USP36: variants seen among roughly 807,000 people sequenced by gnomAD.
USP36 encodes ubiquitin carboxyl-terminal hydrolase 36.
A neutral mutation model predicts 111.5 loss-of-function variants in USP36; 59 were observed. That is an observed-to-expected ratio of 0.53 (90% CI 0.43 to 0.66). The LOEUF is 0.66. USP36 is among the 30% of genes least tolerant of loss of function. The probability of loss-of-function intolerance (pLI) is 0.00; values close to 1 mark genes in which losing one functional copy is unlikely to be tolerated. For missense variants in USP36, 1,488 were observed against 1,468.0 expected (o/e 1.01, Z -0.22); for synonymous variants, 628 against 581.0 (o/e 1.08, Z -1.16).
chr17:78,829,860 C>T (rs918994395), intron 4 of USP36, among the ~76,000 whole-genome samples: 3 of 152,178 alleles, frequency 2.0e-5, no homozygotes, highest in Admixed American at 1.3e-4. Context: ...CCTGCCTCAG[C>T]CTCCCAAGTG....
chr17:78,789,746 C>G (rs1440388195), intron 3 of USP36, among the ~76,000 whole-genome samples: 1 of 152,218 alleles, frequency 6.6e-6, no homozygotes, highest in African/African-American at 2.4e-5. Flanking sequence ...TGGCCACGTG[C>G]CACGGTTTGG....
rs2093931595 is a variant in USP36 at position 78,807,260 on chromosome 17, C to G, written c.1784G>C (p.Gly595Ala). ...LLATATANGH[G>A]LKGNDESAGL... The stretch of plus-strand genomic sequence containing the variant: ...AGCGCTCTCGTCGTTCCCCTTCAGC[C>G]CATGCCCGTTGGCAGTGGCTGTAGC... Residue 595 changes from glycine (G) to alanine (A), a missense_variant, in exon 14 of 21, where the codon GGG becomes GCG. This residue lies in a region of USP36 where 1,073 missense variants were observed against 994.1 expected (regional missense o/e 1.08). Coordinates refer to ENST00000449938, the MANE Select transcript of USP36 (RefSeq NM_001385174.1). The G allele has an allele frequency of 1.2e-6, 2 of 1,614,132 alleles. No homozygotes were observed. The highest frequency in any genetic ancestry group is 1.7e-6 in the Non-Finnish European group (2 of 1,180,012).
chr17:78,827,188 G>A, intron 6 of USP36, 57 bp downstream of exon 6: 1 of 1,260,868 alleles, frequency 7.9e-7, no homozygotes, highest in Non-Finnish European at 1.0e-6. Flanking sequence ...ATGTTCTGCT[G>A]CCACCATGTA....
At chr17:78,810,858 T>TA (rs1452024154) in intron 13 of USP36, among the ~76,000 whole-genome samples, 1 of 152,030 alleles carries the variant, frequency 6.6e-6, no homozygotes, top group Non-Finnish European at 1.5e-5. Flanking sequence ...CTCATGCCTG[T>TA]ATCCCAGGAC....
In USP36 at chr17:78,815,848, CAT is replaced by C. The variant is rs770215038; in HGVS notation, c.1024-1298_1024-1297del. Among the ~76,000 whole-genome samples, 201 of 135,490 alleles carry C rather than the reference CAT, an allele frequency of 1.5e-3. 6 individuals carry two copies. Among genetic ancestry groups the C allele is most frequent in the Non-Finnish European group, 1.1e-3 (77 of 67,838 alleles). 88.9% of individuals were successfully genotyped at this position (135,490 alleles called of 152,430 possible). On this transcript the variant is annotated intron_variant, in intron 10 of 20. Transcript: ENST00000449938. Reference sequence around the variant, plus strand: ...GCACACATATATACATACACACACACATATGCATGCATACACATGTACGCATA... The same window carrying C: ...GCACACATATATACATACACACACACATGCATGCATACACATGTACGCATA...
rs1453107873 is a variant in USP36, at chr17:78,798,213, C to CAA, written c.*20+186_*20+187insTT. ...CTTATACACACGCATCCCACACACACCCTTCTCCAAGTGACTAGGACACAC... is the reference window on the plus strand; with the variant it reads ...CTTATACACACGCATCCCACACACACAACCTTCTCCAAGTGACTAGGACACAC... On this transcript the variant is annotated intron_variant, in intron 20 of 20. Transcript: ENST00000449938. This position sits in a 1 kb window ranked among gnomAD's most constrained non-coding sequence, Gnocchi z 5.1. 2.9e-6 allele frequency: 2 copies of CAA among 700,218 alleles called. No individual in the cohort carries two copies. Among genetic ancestry groups the CAA allele is most frequent in the African/African-American group, 3.6e-5 (2 of 55,272 alleles). 43.4% of individuals were successfully genotyped at this position (700,218 alleles called of 1,614,324 possible).
rs2093695694 is a variant in USP36 at position 78,799,822 on chromosome 17, G to A, written c.3023-54C>T. ...ACAGACGTTTAAAATAACCCACTGG[G>A]GAAGCAATCGCACACCTTAAATTAT... On this transcript the variant is annotated intron_variant, in intron 17 of 20. Coordinates refer to ENST00000449938, the MANE Select transcript of USP36 (RefSeq NM_001385174.1). 13 of 1,337,096 alleles carry A rather than the reference G, an allele frequency of 9.7e-6. 1 individual carries two copies. The South Asian group carries it at 1.6e-4, about 17-fold the overall frequency. The allele number at this position is 1,337,096 out of a possible 1,614,324, so 82.8% of individuals were successfully genotyped here.
In USP36 at chr17:78,802,359, G is replaced by A. The variant is rs1442683597; in HGVS notation, c.2987C>T (p.Pro996Leu). The change falls in exon 17 of 21, where the codon CCA becomes CTA. Residue 996 changes from proline to leucine, a missense_variant. Pro to Leu is a moderately conservative substitution (Grantham distance 98). This residue lies in a region of USP36 where 1,073 missense variants were observed against 994.1 expected (regional missense o/e 1.08). Coordinates refer to ENST00000449938, the MANE Select transcript of USP36 (RefSeq NM_001385174.1). ...AVVPESSSCA[P>L]SANGWCPGDR... The stretch of plus-strand genomic sequence containing the variant: ...CCCAGGACACCAGCCATTCGCGGAT[G>A]GTGCGCAGCTGCTGGACTCGGGGAC... 1.3e-6 allele frequency: 2 copies of A among 1,599,984 alleles called. No homozygotes were observed. The highest frequency in any genetic ancestry group is 2.2e-5 in the East Asian group (1 of 44,492).
chr17:78,820,124 G>A (rs2094283942), intron 8 of USP36, 112 bp from the exon 9 acceptor site: 1 of 1,114,824 alleles, frequency 9.0e-7, no homozygotes, highest in Non-Finnish European at 1.3e-6. Flanking sequence ...ACAGAACTTA[G>A]ACTCGCATAA....
In USP36 at chr17:78,796,654, G is replaced by C. The variant is rs2093633182; in HGVS notation, c.*1246C>G. The C allele has an allele frequency of 1.3e-5, 2 of 152,350 alleles. No individual in the cohort carries two copies. Among genetic ancestry groups the C allele is most frequent in the South Asian group, 4.1e-4 (2 of 4,828 alleles). The allele number at this position is 152,350 out of a possible 1,614,324, so 9.4% of individuals were successfully genotyped here. On this transcript the variant is annotated 3_prime_UTR_variant, in exon 21 of 21. Transcript: ENST00000449938. ...AGGGGCAGGAAGCAAAGCTGCCCCAGGGAGAGGGGGTGCAGACAGCGAGGC... is the reference window on the plus strand; with the variant it reads ...AGGGGCAGGAAGCAAAGCTGCCCCACGGAGAGGGGGTGCAGACAGCGAGGC...
chr17:78,804,046 T>C (rs931293593), intron 15 of USP36, 68 bp from the exon 16 acceptor site: 40 of 1,181,492 alleles, frequency 3.4e-5, no homozygotes, highest in Admixed American at 4.7e-5. Flanking sequence ...TCCTTCTGTC[T>C]ACCCTCACTC....
Position 78,807,599 on chromosome 17 carries a change from G to T in USP36, c.1445C>A (p.Thr482Asn). The T allele has an allele frequency of 6.4e-7, 1 of 1,554,758 alleles. No individual in the cohort carries two copies. The highest frequency in any genetic ancestry group is 8.7e-7 in the Non-Finnish European group (1 of 1,151,224). ...DSGTMKKPHT[T>N]EEIGVPISRN... The stretch of plus-strand genomic sequence containing the variant: ...GGATATGGGCACACCAATCTCTTCA[G>T]TGGTGTGCGGCTTCTTCATCGTCCC... Residue 482 changes from threonine (T) to asparagine (N), a missense_variant, in exon 14 of 21, where the codon ACT becomes AAT. Thr to Asn is a moderately conservative substitution (Grantham distance 65). This residue lies in a region of USP36 where 1,073 missense variants were observed against 994.1 expected (regional missense o/e 1.08). Coordinates refer to ENST00000449938, the MANE Select transcript of USP36 (RefSeq NM_001385174.1).
Position 78,811,695 on chromosome 17 carries a change from C to T in USP36, c.1407+1165G>A, listed in dbSNP as rs151123050. 5.2e-3 allele frequency among the ~76,000 whole-genome samples: 796 copies of T among 151,984 alleles called. 6 individuals are homozygous for T. The highest frequency in any genetic ancestry group is 0.018 in the African/African-American group (738 of 41,450). ...CCATCCTGGCTAATAAAGTGAAACC[C>T]CGTCTCCACTAAAAATAAAAAAATT... On this transcript the variant is annotated intron_variant, in intron 13 of 20. Coordinates refer to ENST00000449938, the MANE Select transcript of USP36 (RefSeq NM_001385174.1).
In USP36 at chr17:78,803,970, G is replaced by A; in HGVS notation, c.2225C>T (p.Ser742Leu). Reference sequence around the variant, plus strand: ...GCGGCTGGATGATTGGGGAGCAGGTGACACAGCCCTGTGGGGACAGCCAGG... The same window carrying A: ...GCGGCTGGATGATTGGGGAGCAGGTAACACAGCCCTGTGGGGACAGCCAGG... The part of the protein sequence containing the change: ...TWPVHRARAV[S>L]PAPQSSSRLQ... Residue 742 changes from serine (S) to leucine (L), a missense_variant, in exon 16 of 21, where the codon TCA (serine) becomes TTA (leucine). This residue lies in a region of USP36 where 1,073 missense variants were observed against 994.1 expected (regional missense o/e 1.08). Transcript: ENST00000449938. The surrounding 1 kb of genome is among the most constrained non-coding windows in gnomAD (Gnocchi z 4.6). The A allele has an allele frequency of 1.3e-6, 2 of 1,593,364 alleles. No homozygotes were observed. The highest frequency in any genetic ancestry group is 1.7e-6 in the Non-Finnish European group (2 of 1,174,006).
intron 2 of USP36, among the ~76,000 whole-genome samples, chr17:78,837,749 C>A (rs1212571343): frequency 6.6e-6 from 1 of 152,192 alleles, no homozygotes; most frequent in East Asian, 1.9e-4. Flanking sequence ...ATGATGACTT[C>A]CTCTGGTATT....
intron 10 of USP36, among the ~76,000 whole-genome samples, chr17:78,815,546 T>C (rs1205801327): frequency 2.0e-5 from 3 of 152,212 alleles, no homozygotes; most frequent in East Asian, 1.9e-4. Flanking sequence ...TACAGGAACA[T>C]TGTTGGTGGG....
chr17:78,819,601 C>T (rs181961932), intron 9 of USP36, among the ~76,000 whole-genome samples: 17 of 152,378 alleles, frequency 1.1e-4, no homozygotes, highest in South Asian at 8.3e-4. Context: ...TGCTCTGCCA[C>T]GTCCTCTTGG....
chr17:78,807,782 A>G (rs1315406561), intron 13 of USP36, 146 bp from the exon 14 acceptor site: 1 of 868,650 alleles, frequency 1.2e-6, no homozygotes, highest in African/African-American at 1.7e-5. Flanking sequence ...GACTCTTGGT[A>G]AAGACACTGT....
At position 78,817,479 on chromosome 17, in the gene USP36, GC is replaced by G. The variant is rs2094214934; in HGVS notation, c.1023+1187del. On this transcript the variant is annotated intron_variant, in intron 10 of 20. Transcript: ENST00000449938. ...TTTATGAGATACAGACATCTACTGG[GC>G]ACGGTGGCTCATGCCTGTTATCCCA... 3.3e-5 allele frequency among the ~76,000 whole-genome samples: 5 copies of G among 152,186 alleles called. No homozygotes were observed. In the South Asian group the frequency reaches 1.0e-3, roughly 31 times the overall value.
Sources: gnomAD v4.1 joint callset for allele counts (sites outside exome capture counted in the v4.1 genomes callset) on GRCh38, gnomAD v4.1.1 for gene constraint, gnomAD v4.1.1 regional missense constraint, Gnocchi (gnomAD v3.1) non-coding constraint, MANE v1.5 for transcripts, NCBI Gene and HGNC (gene_info 2026-07-23, HGNC 2026-07-21) for gene names.